CNTN3: variants seen among roughly 807,000 people sequenced by gnomAD.
CNTN3 encodes contactin-3.
Under a neutral mutation model 119.1 loss-of-function variants are expected in CNTN3, and 60 were observed. That is an observed-to-expected ratio of 0.50 (90% CI 0.41 to 0.62). The LOEUF (loss-of-function observed/expected upper bound fraction) is 0.62. Among genes scored for constraint, CNTN3 ranks in the 20% least tolerant of loss-of-function variants. The pLI is 0.00. For synonymous variants in CNTN3, 450 were observed against 438.7 expected (o/e 1.03, Z -0.32); for missense variants, 1,101 against 1,242.4 (o/e 0.89, Z 1.71).
At chr3:74,523,049 C>T (rs370808774) in intron 1 of CNTN3, among the ~76,000 whole-genome samples, 15 of 151,920 alleles carry the variant, frequency 9.9e-5, no homozygotes, top group African/African-American at 3.4e-4. Flanking sequence ...GGCTGATTTT[C>T]CCTGCTTGGA....
chr3:74,527,149 T>A (rs1218996331), intron 1 of CNTN3, among the ~76,000 whole-genome samples: 1 of 151,926 alleles, frequency 6.6e-6, no homozygotes, highest in East Asian at 1.9e-4. Context: ...CATAAATTAA[T>A]GAAAATTTTA....
At chr3:74,423,101 C>T (rs1470059824) in intron 5 of CNTN3, among the ~76,000 whole-genome samples, 1 of 152,142 alleles carries the variant, frequency 6.6e-6, no homozygotes, top group Non-Finnish European at 1.5e-5. Flanking sequence ...GAGAGAAGTG[C>T]AGTCAAGAAA....
intron 13 of CNTN3, among the ~76,000 whole-genome samples, chr3:74,328,836 A>G (rs1182059515): frequency 6.6e-6 from 1 of 152,200 alleles, no homozygotes; most frequent in African/African-American, 2.4e-5. Context: ...TGGGTTCAAG[A>G]TAAATAATAA....
In CNTN3 at chr3:74,523,115, C is replaced by G. The variant is rs1256490836; in HGVS notation, c.-80-1923G>C. 1.2e-4 allele frequency among the ~76,000 whole-genome samples: 18 copies of G among 151,886 alleles called. 1 individual carries two copies. In the South Asian group the frequency reaches 3.7e-3, roughly 32 times the overall value. The stretch of plus-strand genomic sequence containing the variant: ...TCTTCCTTCCTTCCTTCTGCTCAAT[C>G]AATGACATATCCTATGTCCACAATT... On this transcript the variant is annotated intron_variant, in intron 1 of 22. Transcript: ENST00000263665.
chr3:74,337,780 T>C (rs1264211642), intron 11 of CNTN3, among the ~76,000 whole-genome samples: 1 of 151,904 alleles, frequency 6.6e-6, no homozygotes, highest in African/African-American at 2.4e-5. Context: ...AACAAATAAA[T>C]AAGTAAAAGT....
intron 11 of CNTN3, among the ~76,000 whole-genome samples, chr3:74,355,718 G>A (rs1394935454): frequency 1.3e-5 from 2 of 151,994 alleles, no homozygotes; most frequent in African/African-American, 4.8e-5. Context: ...GCCTCCCAAA[G>A]TGCAGGGATT....
At chr3:74,568,209 A>T (rs1704256835) in intron 1 of CNTN3, among the ~76,000 whole-genome samples, 1 of 152,232 alleles carries the variant, frequency 6.6e-6, no homozygotes, top group African/African-American at 2.4e-5. Flanking sequence ...GAAAACAGGA[A>T]TATTCTCACC....
At chr3:74,499,220 A>T (rs182728694) in intron 3 of CNTN3, among the ~76,000 whole-genome samples, 2 of 152,018 alleles carry the variant, frequency 1.3e-5, no homozygotes, top group East Asian at 3.9e-4. Context: ...CTTTGGTAAG[A>T]ATACATTTTA....
intron 4 of CNTN3, among the ~76,000 whole-genome samples, chr3:74,451,630 T>C (rs1432454907): frequency 3.9e-5 from 6 of 152,160 alleles, no homozygotes; most frequent in Non-Finnish European, 7.3e-5. Flanking sequence ...TTTTCTTCTA[T>C]GGTTTTTATG....
chr3:74,309,397 T>C (rs1307841989), intron 13 of CNTN3, among the ~76,000 whole-genome samples: 2 of 152,180 alleles, frequency 1.3e-5, no homozygotes, highest in East Asian at 1.9e-4. Flanking sequence ...TGAAGTAAAA[T>C]TGAAAATAGA....
chr3:74,291,084 G>A (rs1423356679), intron 19 of CNTN3, among the ~76,000 whole-genome samples: 2 of 150,788 alleles, frequency 1.3e-5, no homozygotes, highest in Non-Finnish European at 1.5e-5. Context: ...AGTGTGTGAT[G>A]TTCCCCACCC....
intron 1 of CNTN3, among the ~76,000 whole-genome samples, chr3:74,607,950 T>C (rs911494578): frequency 6.6e-6 from 1 of 152,162 alleles, no homozygotes; most frequent in Non-Finnish European, 1.5e-5. Flanking sequence ...AGGTCTGCAA[T>C]CTAGTTAACA....
chr3:74,357,024 C>T (rs763848114), intron 11 of CNTN3, among the ~76,000 whole-genome samples: 1 of 150,302 alleles, frequency 6.7e-6, no homozygotes, highest in Non-Finnish European at 1.5e-5. Flanking sequence ...CTCAGTTTCA[C>T]GCCATTCTCC....
At chr3:74,552,073 T>A (rs1463461426) in intron 1 of CNTN3, among the ~76,000 whole-genome samples, 2 of 152,150 alleles carry the variant, frequency 1.3e-5, no homozygotes, top group African/African-American at 4.8e-5. Context: ...CGGATCTGCT[T>A]CTTTCACTTA....
At chr3:74,584,740 C>T (rs978695831) in intron 1 of CNTN3, among the ~76,000 whole-genome samples, 1 of 152,154 alleles carries the variant, frequency 6.6e-6, no homozygotes, top group Admixed American at 6.5e-5. Context: ...TGTATTATTG[C>T]ATATGATCCT....
intron 4 of CNTN3, among the ~76,000 whole-genome samples, chr3:74,461,674 T>G (rs948739879): frequency 6.6e-6 from 1 of 152,096 alleles, no homozygotes; most frequent in African/African-American, 2.4e-5. Context: ...TTGTATCTAC[T>G]TTGCATCATA....
intron 4 of CNTN3, among the ~76,000 whole-genome samples, chr3:74,433,947 C>A (rs1329074764): frequency 6.6e-6 from 1 of 152,216 alleles, no homozygotes; most frequent in Non-Finnish European, 1.5e-5. Flanking sequence ...TATCTCTAGA[C>A]TGTCACATAT....
At chr3:74,486,857 T>C (rs906033919) in intron 3 of CNTN3, among the ~76,000 whole-genome samples, 5 of 152,282 alleles carry the variant, frequency 3.3e-5, no homozygotes, top group African/African-American at 1.2e-4. Flanking sequence ...AGTTAAAGTT[T>C]TTAAAGGTTT....
intron 11 of CNTN3, among the ~76,000 whole-genome samples, chr3:74,336,931 T>A (rs1189671101): frequency 6.6e-6 from 1 of 152,054 alleles, no homozygotes; most frequent in Non-Finnish European, 1.5e-5. Context: ...TACACCAAAG[T>A]TGAGAGGATG....
Sources: allele counts gnomAD v4.1 joint callset (sites outside exome capture counted in the v4.1 genomes callset), GRCh38; gene constraint gnomAD v4.1.1; transcripts MANE v1.5; gene names NCBI Gene and HGNC (gene_info 2026-07-23, HGNC 2026-07-21).